The following ATP2C1 variants were observed in gnomAD, a reference collection of about 807,000 sequenced individuals.
The protein encoded by ATP2C1 is calcium-transporting ATPase type 2C member 1.
A neutral mutation model predicts 120.5 loss-of-function variants in ATP2C1; 31 were observed. That is an observed-to-expected ratio of 0.26 (90% CI 0.19 to 0.35). The LOEUF (loss-of-function observed/expected upper bound fraction) is 0.35. Among genes scored for constraint, ATP2C1 ranks in the 10% least tolerant of loss-of-function variants. The probability of loss-of-function intolerance (pLI) is 1.00; values close to 1 mark genes in which losing one functional copy is unlikely to be tolerated. For synonymous variants in ATP2C1, 351 were observed against 358.7 expected (o/e 0.98, Z 0.24); for missense variants, 731 against 1,107.5 (o/e 0.66, Z 4.83).
At chr3:130,866,009 T>C (rs1406858960) in intron 1 of ATP2C1, among the ~76,000 whole-genome samples, 1 of 152,240 alleles carries the variant, frequency 6.6e-6, no homozygotes, top group Non-Finnish European at 1.5e-5. Flanking sequence ...ACTTTTTTCA[T>C]ATATATCCTA....
intron 11 of ATP2C1, 107 bp from the exon 12 acceptor site, chr3:130,959,168 T>A: frequency 1.3e-6 from 1 of 773,388 alleles, no homozygotes; most frequent in South Asian, 1.5e-5. Flanking sequence ...TGATCTGATA[T>A]GCTTTCCCTT....
At position 130,992,990 on chromosome 3, in the gene ATP2C1, A is replaced by C; in HGVS notation, c.1879A>C (p.Lys627Gln). The C allele has an allele frequency of 6.2e-7, 1 of 1,612,364 alleles. No homozygotes were observed. Among genetic ancestry groups the C allele is most frequent in the Non-Finnish European group, 8.5e-7 (1 of 1,178,612 alleles). The change falls in exon 21 of 28, where the codon AAA becomes CAA. Residue 627 changes from lysine (K) to glutamine (Q), a missense_variant. Physicochemically the swap from Lys to Gln is moderately conservative, Grantham distance 53. Coordinates refer to ENST00000510168, the MANE Select transcript of ATP2C1 (RefSeq NM_001378687.1). The stretch of plus-strand genomic sequence containing the variant: ...CAGAGCTAGCCCAAGGCACAAGATG[A>C]AAATTATTAAGGTGAGTGTGTAAGA... ...FYRASPRHKM[K>Q]IIKSLQKNGS...
intron 19 of ATP2C1, among the ~76,000 whole-genome samples, chr3:130,979,869 G>A (rs1046079388): frequency 3.3e-5 from 5 of 152,062 alleles, no homozygotes; most frequent in African/African-American, 4.8e-5. Flanking sequence ...TAAGATTACC[G>A]TAAGAAGTAG....
At chr3:130,903,448 G>C (rs1312271931) in intron 2 of ATP2C1, among the ~76,000 whole-genome samples, 1 of 151,856 alleles carries the variant, frequency 6.6e-6, no homozygotes, top group Non-Finnish European at 1.5e-5. Flanking sequence ...GGAAGCACAG[G>C]GTGTTAAGAA....
chr3:130,902,719 C>T (rs985894456), intron 2 of ATP2C1, among the ~76,000 whole-genome samples: 7 of 151,998 alleles, frequency 4.6e-5, no homozygotes, highest in Non-Finnish European at 1.0e-4. Context: ...AGACCCCCCC[C>T]GAAGTCAGAA....
At chr3:130,970,953 T>C (rs2061287982) in intron 17 of ATP2C1, among the ~76,000 whole-genome samples, 1 of 152,188 alleles carries the variant, frequency 6.6e-6, no homozygotes, top group Non-Finnish European at 1.5e-5. Context: ...TTTCCGTCTA[T>C]TCTTTAAAGG....
At chr3:130,996,533 T>C in intron 23 of ATP2C1, 147 bp from the exon 24 acceptor site, 1 of 674,564 alleles carries the variant, frequency 1.5e-6, no homozygotes, top group South Asian at 1.7e-5. Flanking sequence ...AGCTTTAAAA[T>C]GTCCACGTGA....
At chr3:130,920,431 C>A (rs778923472) in intron 2 of ATP2C1, among the ~76,000 whole-genome samples, 5 of 152,194 alleles carry the variant, frequency 3.3e-5, no homozygotes, top group Middle Eastern at 3.4e-3. Flanking sequence ...TGATGCCATT[C>A]CTTTCCTCAT....
Position 130,979,293 on chromosome 3 carries a change from C to G in ATP2C1, c.1615C>G (p.Leu539Val), listed in dbSNP as rs138617225. ...TCCTGAACTGGGACAGCTGACATTT[C>G]TTGGCTTGGTGGGAATCATTGATCC... Reference protein sequence around the residue: ...SGPELGQLTFLGLVGIIDPPR... With the variant: ...SGPELGQLTFVGLVGIIDPPR... The change falls in exon 19 of 28, where the codon CTT becomes GTT. Residue 539 changes from leucine to valine, a missense_variant. Physicochemically the swap from Leu to Val is conservative, Grantham distance 32. Transcript: ENST00000510168. 107 of 1,613,506 alleles carry G rather than the reference C, an allele frequency of 6.6e-5. No homozygotes were observed. The highest frequency in any genetic ancestry group is 8.8e-5 in the Non-Finnish European group (104 of 1,179,742).
At chr3:130,977,555 C>T (rs377368271) in intron 18 of ATP2C1, among the ~76,000 whole-genome samples, 1 of 152,144 alleles carries the variant, frequency 6.6e-6, no homozygotes, top group Non-Finnish European at 1.5e-5. Flanking sequence ...CTAATATATG[C>T]TCCCTCTTTT....
At chr3:131,000,161 T>C (rs771826386) in intron 27 of ATP2C1, among the ~76,000 whole-genome samples, 1 of 152,238 alleles carries the variant, frequency 6.6e-6, no homozygotes, top group East Asian at 1.9e-4. Context: ...TACATTACCA[T>C]TTATTAAATG....
intron 14 of ATP2C1, 95 bp from the exon 15 acceptor site, chr3:130,967,050 G>A (rs1384172594): frequency 5.7e-6 from 5 of 882,460 alleles, no homozygotes; most frequent in East Asian, 2.4e-5. Context: ...TAAATAAAAT[G>A]AACAGAACTC....
chr3:131,013,340 G>C (rs1255030831), intron 26 of ATP2C1, among the ~76,000 whole-genome samples: 1 of 152,012 alleles, frequency 6.6e-6, no homozygotes. Context: ...AAAAATGCTG[G>C]GTATGACTCA....
intron 26 of ATP2C1, among the ~76,000 whole-genome samples, chr3:131,009,616 TC>T (rs1187435242): frequency 6.6e-6 from 1 of 152,188 alleles, no homozygotes; most frequent in Non-Finnish European, 1.5e-5. Flanking sequence ...AAAACTTCCT[TC>T]CTTAACATGA....
At chr3:130,851,525 T>C (rs1164567173) in intron 1 of ATP2C1, among the ~76,000 whole-genome samples, 1 of 152,210 alleles carries the variant, frequency 6.6e-6, no homozygotes, top group Non-Finnish European at 1.5e-5. Context: ...CTTGGGAATA[T>C]AAGCATTTTT....
chr3:130,851,578 C>T (rs1247754938), intron 1 of ATP2C1, among the ~76,000 whole-genome samples: 1 of 152,182 alleles, frequency 6.6e-6, no homozygotes, highest in Non-Finnish European at 1.5e-5. Flanking sequence ...TAAAATCATG[C>T]AGTCATTTTT....
At chr3:130,975,302 A>C (rs758637061) in intron 17 of ATP2C1, 30 bp from the exon 18 acceptor site, 2 of 1,608,690 alleles carry the variant, frequency 1.2e-6, no homozygotes, top group South Asian at 2.2e-5. Flanking sequence ...AGTTGAAATT[A>C]AACTTGTGTT....
exon 27 of ATP2C1, chr3:131,016,487 G>T: frequency 1.1e-6 from 1 of 876,810 alleles, no homozygotes; most frequent in Non-Finnish European, 1.7e-6. Flanking sequence ...TAAATGCCTT[G>T]CTGTATAAAT....
intron 20 of ATP2C1, among the ~76,000 whole-genome samples, chr3:130,985,107 A>C (rs373747480): frequency 2.6e-5 from 4 of 152,246 alleles, no homozygotes; most frequent in East Asian, 3.8e-4. Context: ...TTATTGAGGA[A>C]GTTTCAACAT....
Sources: gnomAD v4.1 joint callset for allele counts (sites outside exome capture counted in the v4.1 genomes callset) on GRCh38, gnomAD v4.1.1 for gene constraint, MANE v1.5 for transcripts, NCBI Gene and HGNC (gene_info 2026-07-23, HGNC 2026-07-21) for gene names.